ITGA9: variants seen among roughly 807,000 people sequenced by gnomAD.
ITGA9 encodes integrin subunit alpha 9.
In ITGA9, 56 loss-of-function variants were observed where a neutral mutation model predicts 127.8. The ratio of observed to expected loss-of-function variants is 0.44; its 90% CI spans 0.35 to 0.55. ITGA9 has a LOEUF of 0.55. Among genes scored for constraint, ITGA9 ranks in the 20% least tolerant of loss-of-function variants. The probability of loss-of-function intolerance (pLI) is 0.00; values close to 1 mark genes in which losing one functional copy is unlikely to be tolerated. For synonymous variants in ITGA9, 508 were observed against 514.5 expected, an observed-to-expected ratio of 0.99 and a Z score of 0.17; for missense variants, 1,196 against 1,347.1, an observed-to-expected ratio of 0.89 and a Z score of 1.76.
intron 8 of ITGA9, 103 bp downstream of exon 8, chr3:37,508,730 G>T: frequency 1.2e-6 from 1 of 846,238 alleles, no homozygotes; most frequent in South Asian, 1.4e-5. Context: ...CCTGTGCCCT[G>T]TGTTTATATG....
intron 9 of ITGA9, 69 bp downstream of exon 9, chr3:37,513,969 G>C: frequency 6.3e-7 from 1 of 1,590,760 alleles, no homozygotes; most frequent in Admixed American, 1.7e-5. Flanking sequence ...AGCAGTGGCC[G>C]AGCACCCCTC....
At chr3:37,786,447 A>T (rs1697041616) in intron 26 of ITGA9, among the ~76,000 whole-genome samples, 1 of 152,172 alleles carries the variant, frequency 6.6e-6, no homozygotes, top group Non-Finnish European at 1.5e-5. Flanking sequence ...TATAAAAATT[A>T]GCCAGTCGTG....
At chr3:37,758,089 C>G (rs554630770) in intron 23 of ITGA9, among the ~76,000 whole-genome samples, 24 of 150,192 alleles carry the variant, frequency 1.6e-4, no homozygotes, top group Admixed American at 1.5e-3. Flanking sequence ...TTTGGGAGGC[C>G]GAGGCGGGTG....
chr3:37,648,566 G>A (rs1354974112), intron 16 of ITGA9, among the ~76,000 whole-genome samples: 1 of 152,048 alleles, frequency 6.6e-6, no homozygotes, highest in Non-Finnish European at 1.5e-5. Context: ...GGTAGAGGCT[G>A]CAGTGAGCCA....
intron 12 of ITGA9, among the ~76,000 whole-genome samples, chr3:37,525,774 AGT>A (rs1385115586): frequency 2.6e-5 from 4 of 152,188 alleles, no homozygotes. Flanking sequence ...TGTGGTGTGT[AGT>A]TTACACTCAC....
At chr3:37,458,676 G>C (rs1234421786) in intron 1 of ITGA9, among the ~76,000 whole-genome samples, 1 of 152,198 alleles carries the variant, frequency 6.6e-6, no homozygotes, top group Non-Finnish European at 1.5e-5. Flanking sequence ...GTGTTGGGAG[G>C]GTGTGAGATG....
rs181478640 is a variant in ITGA9, at chr3:37,637,099, T to C, written c.1839+7763T>C. Among the ~76,000 whole-genome samples the C allele has an allele frequency of 2.6e-3, 390 of 152,308 alleles. 1 individual carries two copies. The highest frequency in any genetic ancestry group is 8.8e-3 in the African/African-American group (366 of 41,566). On this transcript the variant is annotated intron_variant, in intron 16 of 27. Coordinates refer to ENST00000264741, the MANE Select transcript of ITGA9 (RefSeq NM_002207.3). ...CCAGCTTTGTTCTTTTGGCTTAGGATTGACTTGGCGATGCGGGCTCTTTTT... is the reference window on the plus strand; with the variant it reads ...CCAGCTTTGTTCTTTTGGCTTAGGACTGACTTGGCGATGCGGGCTCTTTTT...
At chr3:37,584,971 T>C (rs1699743899) in intron 15 of ITGA9, among the ~76,000 whole-genome samples, 1 of 151,944 alleles carries the variant, frequency 6.6e-6, no homozygotes, top group Non-Finnish European at 1.5e-5. Context: ...TTTAGTTGGG[T>C]TCAGTCAGAG....
At chr3:37,675,183 C>T (rs1448359237) in intron 17 of ITGA9, among the ~76,000 whole-genome samples, 1 of 152,174 alleles carries the variant, frequency 6.6e-6, no homozygotes, top group Non-Finnish European at 1.5e-5. Context: ...AGTAGATGTG[C>T]AGCCCCCCGC....
intron 18 of ITGA9, among the ~76,000 whole-genome samples, chr3:37,731,588 G>A (rs1299941036): frequency 1.3e-5 from 2 of 152,150 alleles, no homozygotes; most frequent in East Asian, 3.8e-4. Context: ...GTGTATTGAT[G>A]TTTAACAAAC....
At position 37,814,524 on chromosome 3, in the gene ITGA9, C is replaced by T. The variant is rs1363264583; in HGVS notation, c.3010-4367C>T. ...AGGTTGCAGTGAGCCAAGATCGTGC[C>T]ACTGCACTCCAGCCTGGCAACAGAG... On this transcript the variant is annotated intron_variant, in intron 27 of 27. Coordinates refer to ENST00000264741, the MANE Select transcript of ITGA9 (RefSeq NM_002207.3). This position sits in a 1 kb window ranked among gnomAD's most constrained non-coding sequence, Gnocchi z 4.3. Among the ~76,000 whole-genome samples the T allele has an allele frequency of 6.6e-6, 1 of 152,150 alleles. No individual in the cohort carries two copies. The highest frequency in any genetic ancestry group is 1.9e-4 in the East Asian group (1 of 5,198).
At position 37,452,291 on chromosome 3, in the gene ITGA9, C is replaced by G; in HGVS notation, c.-84C>G. The G allele has an allele frequency of 1.3e-6, 1 of 789,748 alleles. No homozygotes were observed. The allele number at this position is 789,748 out of a possible 1,614,324, so 48.9% of individuals were successfully genotyped here. On this transcript the variant is annotated 5_prime_UTR_variant, in exon 1 of 28. Coordinates refer to ENST00000264741, the MANE Select transcript of ITGA9 (RefSeq NM_002207.3). The surrounding 1 kb of genome is among the most constrained non-coding windows in gnomAD (Gnocchi z 7.3). The stretch of plus-strand genomic sequence containing the variant: ...GGCGCAGAGCTCCCGCCCCGGGGAG[C>G]TTCCTGGCCGTCGGCGGGCCCCGCG...
At chr3:37,741,168 C>T (rs868254881) in intron 20 of ITGA9, among the ~76,000 whole-genome samples, 17 of 152,302 alleles carry the variant, frequency 1.1e-4, no homozygotes, top group East Asian at 9.7e-4. Flanking sequence ...CCAATCTATC[C>T]GCAAACTGGG....
rs539100746 is a variant in ITGA9 at position 37,537,443 on chromosome 3, C to T, written c.1528+3975C>T. On this transcript the variant is annotated intron_variant, in intron 14 of 27. Transcript: ENST00000264741. Reference sequence around the variant, plus strand: ...TTGCAGGGTCCCAGCTCCAGTGTCACAGTGCAGGGTAGAGAAGGGTGGGTT... The same window carrying T: ...TTGCAGGGTCCCAGCTCCAGTGTCATAGTGCAGGGTAGAGAAGGGTGGGTT... 4.6e-5 allele frequency among the ~76,000 whole-genome samples: 7 copies of T among 152,322 alleles called. No homozygotes were observed. The South Asian group carries it at 1.5e-3, about 32-fold the overall frequency.
At chr3:37,466,843 C>T (rs1171192357) in intron 1 of ITGA9, among the ~76,000 whole-genome samples, 1 of 152,182 alleles carries the variant, frequency 6.6e-6, no homozygotes, top group African/African-American at 2.4e-5. Flanking sequence ...TGGGGACACT[C>T]AGGCCCTTTT....
At chr3:37,711,857 G>T (rs1448819042) in intron 18 of ITGA9, among the ~76,000 whole-genome samples, 1 of 152,150 alleles carries the variant, frequency 6.6e-6, no homozygotes, top group African/African-American at 2.4e-5. Context: ...CAGAATCTTG[G>T]CCCTCCAGAG....
At chr3:37,735,608 CAA>C (rs980438327) in intron 19 of ITGA9, among the ~76,000 whole-genome samples, 2 of 152,100 alleles carry the variant, frequency 1.3e-5, no homozygotes, top group African/African-American at 4.8e-5. Flanking sequence ...TATTGAAATG[CAA>C]AGACAGTATC....
chr3:37,695,204 CA>C (rs1158335058), intron 18 of ITGA9, among the ~76,000 whole-genome samples: 7 of 152,154 alleles, frequency 4.6e-5, no homozygotes, highest in African/African-American at 1.7e-4. Flanking sequence ...ACTTTCCACC[CA>C]GGGGTGAAGT....
intron 15 of ITGA9, among the ~76,000 whole-genome samples, chr3:37,559,275 C>T (rs1699462335): frequency 3.0e-5 from 1 of 33,260 alleles, no homozygotes; most frequent in Non-Finnish European, 5.8e-5. Flanking sequence ...ACTATGTGAG[C>T]ACACACACAC....
Sources: allele counts gnomAD v4.1 joint callset (sites outside exome capture counted in the v4.1 genomes callset), GRCh38; gene constraint gnomAD v4.1.1; non-coding constraint Gnocchi (gnomAD v3.1); transcripts MANE v1.5; gene names NCBI Gene and HGNC (gene_info 2026-07-23, HGNC 2026-07-21).